The following SPTBN4 variants were observed in gnomAD, a reference collection of about 807,000 sequenced individuals.
SPTBN4 encodes spectrin beta, non-erythrocytic 4.
SPTBN4 carries 96 observed loss-of-function variants against 277.8 expected under a neutral mutation model. That is an observed-to-expected ratio of 0.35 (90% CI 0.29 to 0.41). The LOEUF (loss-of-function observed/expected upper bound fraction) is 0.41, where lower values mean the gene tolerates loss of function less well. Among genes scored for constraint, SPTBN4 ranks in the 10% least tolerant of loss-of-function variants. SPTBN4 has a pLI of 1.00. For synonymous variants in SPTBN4, 1,481 were observed against 1,580.3 expected (o/e 0.94, Z 1.49); for missense variants, 3,006 against 3,595.7 (o/e 0.84, Z 4.19).
intron 6 of SPTBN4, among the ~76,000 whole-genome samples, chr19:40,496,293 G>A (rs934431919): frequency 6.6e-6 from 1 of 152,112 alleles, no homozygotes; most frequent in Non-Finnish European, 1.5e-5. Context: ...AGGATTACAG[G>A]CGCCCGCCAC....
In SPTBN4 at chr19:40,568,126, C is replaced by T. The variant is rs767240147; in HGVS notation, c.6800C>T (p.Pro2267Leu). The change falls in exon 31 of 36, where the codon CCG becomes CTG. Residue 2267 changes from proline to leucine, a missense_variant. Physicochemically the swap from Pro to Leu is moderately conservative, Grantham distance 98 (BLOSUM62 -3). This residue lies in a region of SPTBN4 where 630 missense variants were observed against 677.6 expected (regional missense o/e 0.93). Transcript: ENST00000598249. ...QSEEAARRRRPERQESAEHEA... is the reference protein window; with the variant it reads ...QSEEAARRRRLERQESAEHEA... ...GAGGAGGCTGCGCGGAGGCGGCGGC[C>T]GGAGCGGCAGGAGTCAGCGGAGCAC... 1.9e-5 allele frequency: 30 copies of T among 1,575,074 alleles called. No homozygotes were observed. Among genetic ancestry groups the T allele is most frequent in the South Asian group, 3.5e-5 (3 of 86,314 alleles).
chr19:40,487,514 T>C (rs546502978), intron 2 of SPTBN4, among the ~76,000 whole-genome samples, 183 bp from the exon 3 acceptor site: 36 of 151,870 alleles, frequency 2.4e-4, no homozygotes, highest in African/African-American at 8.7e-4. Context: ...TCCGGCTGCT[T>C]TTTGTATTTT....
chr19:40,529,195 G>A (rs1033388820), intron 18 of SPTBN4, 64 bp downstream of exon 18: 14 of 1,477,718 alleles, frequency 9.5e-6, no homozygotes, highest in African/African-American at 4.2e-5. Flanking sequence ...AGTGCTTCTC[G>A]GCCGAGGTGG....
chr19:40,510,922 C>T (rs147735266), intron 13 of SPTBN4, among the ~76,000 whole-genome samples: 1,551 of 152,140 alleles, frequency 0.01, 17 homozygotes, highest in African/African-American at 0.029. Flanking sequence ...GAAGCTGAGG[C>T]GGGAGGATTA....
In SPTBN4 at chr19:40,557,007, C is replaced by CCG; in HGVS notation, c.5290-16_5290-15insCG. ...GCTCACTTTGCTGTACCCCCCCCCC[C>CCG]ACTTCCTGATGGCAGGTGCTGCAGG... On this transcript the variant is annotated splice_polypyrimidine_tract_variant and intron_variant, in intron 25 of 35. Coordinates refer to ENST00000598249, the MANE Select transcript of SPTBN4 (RefSeq NM_020971.3). 2.6e-6 allele frequency: 4 copies of CCG among 1,522,586 alleles called. No homozygotes were observed. In the East Asian group the frequency reaches 9.3e-5, roughly 35 times the overall value. 94.3% of individuals were successfully genotyped at this position (1,522,586 alleles called of 1,614,324 possible). A position where few individuals can be genotyped will look rare whatever the true frequency, so the allele number is the denominator to read the frequency against.
chr19:40,498,373 T>TTTTA (rs372763000), intron 7 of SPTBN4, among the ~76,000 whole-genome samples: 36,897 of 140,956 alleles, frequency 0.26, 5,072 homozygotes, highest in East Asian at 0.39. Flanking sequence ...TTTTATTTTA[T>TTTTA]TTTATTTATT....
intron 27 of SPTBN4, among the ~76,000 whole-genome samples, chr19:40,562,194 T>C (rs2081049219): frequency 6.6e-6 from 1 of 152,076 alleles, no homozygotes; most frequent in Admixed American, 6.6e-5. Flanking sequence ...GTGGGAGCCA[T>C]GCGAGAGTTT....
chr19:40,527,190 T>TGTTTTTCTCTCC (rs745361974), intron 17 of SPTBN4, among the ~76,000 whole-genome samples: 1 of 152,190 alleles, frequency 6.6e-6, no homozygotes, highest in South Asian at 2.1e-4. Flanking sequence ...GCTCCCTCTC[T>TGTTTTTCTCTCC]GTTTTTCTCT....
At chr19:40,508,394 G>T (rs1157118026) in intron 13 of SPTBN4, among the ~76,000 whole-genome samples, 3 of 152,170 alleles carry the variant, frequency 2.0e-5, no homozygotes, top group African/African-American at 4.8e-5. Flanking sequence ...CAGCAAGAAA[G>T]TATGATGGGG....
intron 22 of SPTBN4, 150 bp downstream of exon 22, chr19:40,550,477 C>G: frequency 1.6e-6 from 1 of 644,632 alleles, no homozygotes; most frequent in South Asian, 2.2e-5. Context: ...CCAGGTGCTT[C>G]CATATATTTT....
chr19:40,503,724 C>T, intron 11 of SPTBN4, 106 bp from the exon 12 acceptor site: 2 of 1,257,566 alleles, frequency 1.6e-6, no homozygotes, highest in South Asian at 1.6e-5. Flanking sequence ...GAGGGCAGGG[C>T]CAGTCTCCAA....
intron 27 of SPTBN4, among the ~76,000 whole-genome samples, chr19:40,564,475 A>C (rs918972938): frequency 6.6e-6 from 1 of 152,192 alleles, no homozygotes; most frequent in Non-Finnish European, 1.5e-5. Flanking sequence ...TGCCTTGGAG[A>C]GCACAGACTT....
intron 21 of SPTBN4, among the ~76,000 whole-genome samples, 155 bp from the exon 22 acceptor site, chr19:40,550,083 G>GA (rs111998273): frequency 0.028 from 3,799 of 135,500 alleles, 176 homozygotes; most frequent in Admixed American, 0.11. Context: ...CCATCTCAAA[G>GA]AAAAAAAAAA....
chr19:40,470,622 TTTC>T lies in SPTBN4; in HGVS notation c.-15-1967_-15-1965del, dbSNP rs369871143. On this transcript the variant is annotated intron_variant, in intron 1 of 35. Transcript: ENST00000598249. ...GTGCCTGCCCCCTCCACTTTAAATT[TTTC>T]TTCTTCTTCTTCTTCTTTTTTTCTT... is the stretch of plus-strand genomic sequence containing the variant. Among the ~76,000 whole-genome samples, 741 of 149,868 alleles carry T rather than the reference TTTC, an allele frequency of 4.9e-3. 7 individuals are homozygous for T. Among genetic ancestry groups the T allele is most frequent in the African/African-American group, 0.017 (693 of 40,662 alleles).
chr19:40,502,327 C>T lies in SPTBN4; in HGVS notation c.1085+12C>T, dbSNP rs1384394603. On this transcript the variant is annotated intron_variant, in intron 9 of 35. Transcript: ENST00000598249. The surrounding 1 kb of genome is among the most constrained non-coding windows in gnomAD (Gnocchi z 4.9). ...GAGAAGCCTGTCAAGTGAGGCCCAGCTCTGGAGGGAGGGTGGGCAGGGGTG... is the reference window on the plus strand; with the variant it reads ...GAGAAGCCTGTCAAGTGAGGCCCAGTTCTGGAGGGAGGGTGGGCAGGGGTG... 4 of 1,610,932 alleles carry T rather than the reference C, an allele frequency of 2.5e-6. No individual in the cohort carries two copies. In the East Asian group the frequency reaches 8.9e-5, roughly 36 times the overall value.
chr19:40,563,078 T>C (rs2081059530), intron 27 of SPTBN4, among the ~76,000 whole-genome samples: 1 of 149,644 alleles, frequency 6.7e-6, no homozygotes, highest in South Asian at 2.1e-4. Context: ...AGCATGGTGG[T>C]GTGCATGCCT....
rs751446023 is a variant in SPTBN4 at position 40,532,801 on chromosome 19, G to A, written c.4095+30G>A. On this transcript the variant is annotated intron_variant, in intron 19 of 35. Transcript: ENST00000598249. ...GGAAGCTGATGGCCCCTCTGCCTGT[G>A]CCAGGTGCAGGAGGCCTCCAGGGAG... is the stretch of plus-strand genomic sequence containing the variant. 7 of 1,590,324 alleles carry A rather than the reference G, an allele frequency of 4.4e-6. No individual in the cohort carries two copies. The South Asian group carries it at 8.0e-5, about 18-fold the overall frequency.
At chr19:40,480,698 G>A (rs1407697993) in intron 2 of SPTBN4, among the ~76,000 whole-genome samples, 3 of 152,302 alleles carry the variant, frequency 2.0e-5, no homozygotes, top group Admixed American at 2.0e-4. Context: ...TGGTGTGAAT[G>A]TACCACAGTG....
chr19:40,539,990 A>G (rs2080780515), intron 20 of SPTBN4, among the ~76,000 whole-genome samples: 1 of 151,458 alleles, frequency 6.6e-6, no homozygotes, highest in African/African-American at 2.4e-5. Flanking sequence ...CAGTGGCACA[A>G]TCTCGGCTCA....
Sources: allele counts gnomAD v4.1 joint callset (sites outside exome capture counted in the v4.1 genomes callset), GRCh38; gene constraint gnomAD v4.1.1; regional missense constraint gnomAD v4.1.1; non-coding constraint Gnocchi (gnomAD v3.1); transcripts MANE v1.5; gene names NCBI Gene and HGNC (gene_info 2026-07-23, HGNC 2026-07-21).